Variants in SORCS1 observed in about 807,000 individuals in gnomAD.
SORCS1 encodes VPS10 domain-containing receptor SorCS1.
Under a neutral mutation model 146.1 loss-of-function variants are expected in SORCS1, and 60 were observed. That is an observed-to-expected ratio of 0.41 (90% CI 0.33 to 0.51). The LOEUF is 0.51. SORCS1 is among the 20% of genes least tolerant of loss of function. SORCS1 has a pLI of 0.21. For synonymous variants in SORCS1, 637 were observed against 584.0 expected (o/e 1.09, Z -1.31); for missense variants, 1,352 against 1,487.6 (o/e 0.91, Z 1.50).
chr10:106,885,635 G>A (rs992081877), intron 2 of SORCS1, among the ~76,000 whole-genome samples: 2 of 152,238 alleles, frequency 1.3e-5, no homozygotes, highest in African/African-American at 4.8e-5. Context: ...ATTTACATGC[G>A]TATCTTCTAA....
chr10:107,163,938 AC>A (rs1969899925), intron 1 of SORCS1, 30 bp downstream of exon 1: 2 of 1,586,704 alleles, frequency 1.3e-6, no homozygotes, highest in Non-Finnish European at 1.7e-6. Flanking sequence ...CCATCTTTCC[AC>A]CCCTTTACCC....
intron 1 of SORCS1, among the ~76,000 whole-genome samples, chr10:107,110,621 C>G (rs1324406875): frequency 6.6e-6 from 1 of 151,744 alleles, no homozygotes; most frequent in East Asian, 1.9e-4. Context: ...CCACCAACTC[C>G]CCCCACCCCC....
At chr10:106,988,068 A>C (rs761450394) in intron 1 of SORCS1, among the ~76,000 whole-genome samples, 1 of 152,162 alleles carries the variant, frequency 6.6e-6, no homozygotes, top group African/African-American at 2.4e-5. Flanking sequence ...GAAGCTATCA[A>C]TCTGCCATTT....
chr10:106,769,745 A>G (rs924834479), intron 4 of SORCS1, among the ~76,000 whole-genome samples: 2 of 152,166 alleles, frequency 1.3e-5, no homozygotes, highest in African/African-American at 4.8e-5. Context: ...TTCTATCACC[A>G]TATGATTTTA....
rs1948107568 is a variant in SORCS1, at chr10:106,822,782, G to GTTTTTTTGTTT, written c.726+6791_726+6792insAAACAAAAAAA. On this transcript the variant is annotated intron_variant, in intron 3 of 25. Coordinates refer to ENST00000263054, the MANE Select transcript of SORCS1 (RefSeq NM_052918.5). ...CACTATGTCTCTGAATTCATGTGTG[G>GTTTTTTTGTTT]TTTTTTTTTTTTTTTTTTTTGAATA... Among the ~76,000 whole-genome samples the GTTTTTTTGTTT allele has an allele frequency of 9.7e-5, 11 of 113,152 alleles. No individual in the cohort carries two copies. The South Asian group carries it at 3.3e-3, about 34-fold the overall frequency. The allele number at this position is 113,152 out of a possible 152,430, so 74.2% of individuals were successfully genotyped here. A position where few individuals can be genotyped will look rare whatever the true frequency, so the allele number is the denominator to read the frequency against.
chr10:107,006,720 G>A (rs925250368), intron 1 of SORCS1, among the ~76,000 whole-genome samples: 1 of 152,216 alleles, frequency 6.6e-6, no homozygotes, highest in Non-Finnish European at 1.5e-5. Flanking sequence ...AGGAGGCTGA[G>A]GCAGGAGAAC....
intron 18 of SORCS1, among the ~76,000 whole-genome samples, chr10:106,646,082 T>C (rs1308590566): frequency 6.6e-6 from 1 of 151,986 alleles, no homozygotes; most frequent in Non-Finnish European, 1.5e-5. Flanking sequence ...CTGACCAACA[T>C]GGTGAAACCT....
At chr10:106,592,916 T>C (rs1845692744) in intron 24 of SORCS1, among the ~76,000 whole-genome samples, 2 of 151,858 alleles carry the variant, frequency 1.3e-5, no homozygotes, top group South Asian at 4.2e-4. Flanking sequence ...GGCAGACAGA[T>C]CACTTGAGCT....
chr10:106,940,394 G>C (rs906551412), intron 2 of SORCS1, among the ~76,000 whole-genome samples: 1 of 152,148 alleles, frequency 6.6e-6, no homozygotes, highest in Admixed American at 6.5e-5. Context: ...GTCTGTACTT[G>C]GTGTTGGGTA....
At chr10:106,882,524 T>C (rs757259605) in intron 2 of SORCS1, among the ~76,000 whole-genome samples, 1 of 152,222 alleles carries the variant, frequency 6.6e-6, no homozygotes, top group Non-Finnish European at 1.5e-5. Context: ...TAGGTGCAGC[T>C]GTGTTCCAAT....
chr10:106,806,901 G>A (rs961769369), intron 3 of SORCS1, among the ~76,000 whole-genome samples: 1 of 151,870 alleles, frequency 6.6e-6, no homozygotes, highest in East Asian at 1.9e-4. Context: ...TCAACATCCC[G>A]CCTTACTCAC....
chr10:106,812,719 T>C (rs1232270685), intron 3 of SORCS1, among the ~76,000 whole-genome samples: 9 of 152,208 alleles, frequency 5.9e-5, no homozygotes, highest in African/African-American at 2.2e-4. Flanking sequence ...ATGTATATTA[T>C]GTATATATTA....
chr10:106,644,380 T>C (rs1849271247), intron 18 of SORCS1, among the ~76,000 whole-genome samples: 1 of 152,098 alleles, frequency 6.6e-6, no homozygotes, highest in East Asian at 1.9e-4. Context: ...TTATTATTAT[T>C]ATTGAGACGG....
intron 6 of SORCS1, among the ~76,000 whole-genome samples, chr10:106,726,123 TTTG>T (rs886814083): frequency 6.6e-6 from 1 of 151,016 alleles, no homozygotes; most frequent in African/African-American, 2.4e-5. Context: ...CTCTGTTTAT[TTTG>T]TTGTTGTTGT....
intron 5 of SORCS1, among the ~76,000 whole-genome samples, chr10:106,730,986 A>T (rs1001603207): frequency 6.6e-6 from 1 of 152,006 alleles, no homozygotes; most frequent in Admixed American, 6.6e-5. Flanking sequence ...CAGCCACTCA[A>T]TCAAGGCTAG....
chr10:106,577,163 G>A lies in SORCS1; in HGVS notation c.*257C>T. ...TTGTTTGTTTGTTTGGATTTTGATT[G>A]TTTATATTTTATGTTTTGTTTTGTT... is the stretch of plus-strand genomic sequence containing the variant. On this transcript the variant is annotated 3_prime_UTR_variant, in exon 26 of 26. Coordinates refer to ENST00000263054, the MANE Select transcript of SORCS1 (RefSeq NM_052918.5). 1.5e-6 allele frequency: 2 copies of A among 1,378,020 alleles called. No individual in the cohort carries two copies. The highest frequency in any genetic ancestry group is 1.5e-5 in the African/African-American group (1 of 68,504). 85.4% of individuals were successfully genotyped at this position (1,378,020 alleles called of 1,614,324 possible).
intron 5 of SORCS1, among the ~76,000 whole-genome samples, chr10:106,761,102 C>G (rs1022447801): frequency 6.6e-6 from 1 of 151,526 alleles, no homozygotes; most frequent in African/African-American, 2.4e-5. Context: ...GTGAGACTGT[C>G]TAAAATAAAT....
chr10:106,870,636 T>C (rs768129846), intron 2 of SORCS1, among the ~76,000 whole-genome samples: 22 of 152,232 alleles, frequency 1.4e-4, no homozygotes, highest in Non-Finnish European at 3.1e-4. Context: ...GCTAACCATA[T>C]GCAGAAGATT....
intron 2 of SORCS1, among the ~76,000 whole-genome samples, chr10:106,856,772 C>T (rs1392824663): frequency 6.6e-6 from 1 of 152,156 alleles, no homozygotes; most frequent in Non-Finnish European, 1.5e-5. Context: ...TGCAAACCAT[C>T]AACTACTGTT....
Sources: allele counts gnomAD v4.1 joint callset (sites outside exome capture counted in the v4.1 genomes callset), GRCh38; gene constraint gnomAD v4.1.1; transcripts MANE v1.5; gene names NCBI Gene and HGNC (gene_info 2026-07-23, HGNC 2026-07-21).